Variants in IL18R1 observed in about 807,000 individuals in gnomAD.
The protein encoded by IL18R1 is interleukin-18 receptor 1.
Under a neutral mutation model 48.5 loss-of-function variants are expected in IL18R1, and 40 were observed. The ratio of observed to expected loss-of-function variants is 0.82; its 90% CI spans 0.64 to 1.07. The LOEUF (loss-of-function observed/expected upper bound fraction) is 1.07. Ranked by LOEUF, IL18R1 falls within the 50% of genes least tolerant of loss-of-function variation. The pLI, the probability that IL18R1 is intolerant of heterozygous loss-of-function variation, is 0.00. For synonymous variants in IL18R1, 232 were observed against 225.9 expected (o/e 1.03, Z -0.24); for missense variants, 596 against 633.7 (o/e 0.94, Z 0.64).
At chr2:102,385,083 G>A in intron 7 of IL18R1, 85 bp downstream of exon 7, 2 of 660,200 alleles carry the variant, frequency 3.0e-6, no homozygotes, top group Admixed American at 3.6e-5. Context: ...AAAACACTGG[G>A]TGGCTGATGT....
At chr2:102,362,603 T>A in intron 1 of IL18R1, 30 bp from the exon 2 acceptor site, 1 of 1,470,266 alleles carries the variant, frequency 6.8e-7, no homozygotes, top group Non-Finnish European at 9.3e-7. Flanking sequence ...TTGAAAGCTT[T>A]GGCTGAATCT....
chr2:102,367,688 A>T, intron 2 of IL18R1, 137 bp from the exon 3 acceptor site: 1 of 704,470 alleles, frequency 1.4e-6, no homozygotes, highest in East Asian at 2.7e-5. Context: ...AAGAACCCAC[A>T]GGAAATTGAC....
At position 102,356,348 on chromosome 2, in the gene IL18R1, C is replaced by T. The variant is rs1189965328; in HGVS notation, c.-81C>T. ...CTTGGCCTCCGCAGTCGCGACCTGG[C>T]GTGAAGGAGGAGCTGCCGCCCCCGC... On this transcript the variant is annotated 5_prime_UTR_variant, in exon 1 of 11. Transcript: ENST00000233957. 6.1e-6 allele frequency: 6 copies of T among 985,214 alleles called. No homozygotes were observed. The highest frequency in any genetic ancestry group is 7.2e-6 in the Non-Finnish European group (6 of 829,860). 61.0% of individuals were successfully genotyped at this position (985,214 alleles called of 1,614,324 possible).
intron 10 of IL18R1, among the ~76,000 whole-genome samples, chr2:102,394,855 A>T (rs1268153486): frequency 6.6e-6 from 1 of 152,134 alleles, no homozygotes; most frequent in Non-Finnish European, 1.5e-5. Context: ...GTTCTCTGAA[A>T]CTTTGGGGAA....
intron 4 of IL18R1, 64 bp downstream of exon 4, chr2:102,372,182 G>T (rs1258668960): frequency 3.0e-6 from 4 of 1,323,856 alleles, no homozygotes; most frequent in Non-Finnish European, 4.2e-6. Context: ...CCAAATGAGG[G>T]GCTGAGAGCT....
At chr2:102,385,454 T>C (rs1371670804) in intron 7 of IL18R1, among the ~76,000 whole-genome samples, 1 of 152,230 alleles carries the variant, frequency 6.6e-6, no homozygotes, top group Non-Finnish European at 1.5e-5. Flanking sequence ...TAAGGAATGG[T>C]CAAACTTATA....
In IL18R1 at chr2:102,390,150, T is replaced by C; in HGVS notation, c.1044T>C (p.Cys348=). ...LVAVVCLVTV[C]VIYRVDLVLF... is the part of the protein sequence containing the mutation. ...CAGTAGTGTGCCTAGTGACTGTGTG[T>C]GTCATTTATAGAGTTGACTTGGTTC... The change falls in exon 9 of 11, where the codon TGT becomes TGC. Residue 348 remains cysteine, a synonymous_variant. Transcript: ENST00000233957. 6.2e-7 allele frequency: 1 copy of C among 1,614,130 alleles called. No individual in the cohort carries two copies.
chr2:102,372,053 T>C lies in IL18R1; in HGVS notation c.403T>C (p.Phe135Leu). 3 of 1,609,364 alleles carry C rather than the reference T, an allele frequency of 1.9e-6. No homozygotes were observed. Among genetic ancestry groups the C allele is most frequent in the Non-Finnish European group, 2.5e-6 (3 of 1,178,134 alleles). ...TAGTAAAATTGTGGAAGTTAAAAAA[T>C]TTTTTCAGATAACCTGTGAAAACAG... ...VTSKIVEVKK[F>L]FQITCENSYY... The change falls in exon 4 of 11, where the codon TTT (phenylalanine) becomes CTT (leucine). Residue 135 changes from phenylalanine to leucine, a missense_variant. Transcript: ENST00000233957.
chr2:102,383,471 T>TATGC (rs1232178909), intron 6 of IL18R1, among the ~76,000 whole-genome samples: 3 of 152,248 alleles, frequency 2.0e-5, no homozygotes, highest in African/African-American at 7.2e-5. Context: ...AGCTATCTTA[T>TATGC]ATGCATACAC....
chr2:102,377,475 C>T (rs1427833372), intron 5 of IL18R1, among the ~76,000 whole-genome samples: 7 of 152,088 alleles, frequency 4.6e-5, no homozygotes, highest in East Asian at 3.9e-4. Flanking sequence ...CCACCACTCC[C>T]GGCTAATTTT....
At chr2:102,390,592 G>A (rs145504585) in intron 9 of IL18R1, among the ~76,000 whole-genome samples, 5 of 152,120 alleles carry the variant, frequency 3.3e-5, no homozygotes, top group Admixed American at 1.3e-4. Context: ...TTGTCCTATC[G>A]CTCATTATTT....
At chr2:102,359,639 A>G (rs1678459645) in intron 1 of IL18R1, among the ~76,000 whole-genome samples, 1 of 152,248 alleles carries the variant, frequency 6.6e-6, no homozygotes, top group Non-Finnish European at 1.5e-5. Flanking sequence ...CTGTCTAATT[A>G]CATTTTAAAA....
In IL18R1 at chr2:102,356,498, A is replaced by AAG. The variant is rs139602551; in HGVS notation, c.-29+112_-29+113dup. On this transcript the variant is annotated intron_variant, in intron 1 of 10. Coordinates refer to ENST00000233957, the MANE Select transcript of IL18R1 (RefSeq NM_003855.5). ...AGGGATTCTCAAAACAAGATCAATT[A>AAG]AGAGAGAGAGAGAGATAGTGTGTGT... 472 of 161,538 alleles carry AAG rather than the reference A, an allele frequency of 2.9e-3. 3 individuals carry two copies. The East Asian group carries it at 0.032, about 11-fold the overall frequency. The allele number at this position is 161,538 out of a possible 1,614,324, so 10.0% of individuals were successfully genotyped here. A position where few individuals can be genotyped will look rare whatever the true frequency, so the allele number is the denominator to read the frequency against.
chr2:102,364,779 T>C (rs1189840946), intron 2 of IL18R1, among the ~76,000 whole-genome samples: 1 of 152,140 alleles, frequency 6.6e-6, no homozygotes, highest in Admixed American at 6.6e-5. Context: ...TGGGGAGGCC[T>C]CAGGAAGCTT....
intron 5 of IL18R1, 118 bp from the exon 6 acceptor site, chr2:102,381,502 G>C (rs577382641): frequency 5.4e-5 from 40 of 739,912 alleles, no homozygotes; most frequent in Non-Finnish European, 8.9e-5. Context: ...TCAAGTGAAC[G>C]TAAACCAGTA....
rs1680719840 is a variant in IL18R1, at chr2:102,394,546, G to T, written c.1189G>T (p.Val397Leu). ...AAATGGAGAGGAGCACACCTTTGCT[G>T]TGGAGATTTTGCCCAGGGTGTTGGA... ...PENGEEHTFA[V>L]EILPRVLEKH... is the part of the protein sequence containing the mutation. The change falls in exon 10 of 11, where the codon GTG becomes TTG. Residue 397 changes from valine (V) to leucine (L), a missense_variant. Val to Leu is a conservative substitution (Grantham distance 32). Coordinates refer to ENST00000233957, the MANE Select transcript of IL18R1 (RefSeq NM_003855.5). 6.2e-7 allele frequency: 1 copy of T among 1,613,506 alleles called. No homozygotes were observed.
chr2:102,356,386 G>A lies in IL18R1; in HGVS notation c.-43G>A. 1 of 984,778 alleles carries A rather than the reference G, an allele frequency of 1.0e-6. No individual in the cohort carries two copies. Among genetic ancestry groups the A allele is most frequent in the Non-Finnish European group, 1.2e-6 (1 of 829,494 alleles). 61.0% of individuals were successfully genotyped at this position (984,778 alleles called of 1,614,324 possible). A position where few individuals can be genotyped will look rare whatever the true frequency, so the allele number is the denominator to read the frequency against. ...CTGCCGCCCCCGCCCCAGCCTCGGG[G>A]ACGCCTCTCTGAAGGTAAGGGTGGG... On this transcript the variant is annotated 5_prime_UTR_variant, in exon 1 of 11. Transcript: ENST00000233957.
intron 4 of IL18R1, among the ~76,000 whole-genome samples, chr2:102,373,138 T>C (rs560278724): frequency 6.6e-6 from 1 of 152,338 alleles, no homozygotes; most frequent in African/African-American, 2.4e-5. Context: ...TAAATTAAAC[T>C]TTTGTATATA....
intron 1 of IL18R1, among the ~76,000 whole-genome samples, chr2:102,360,311 T>C (rs868641198): frequency 1.3e-5 from 2 of 152,234 alleles, no homozygotes; most frequent in Non-Finnish European, 2.9e-5. Context: ...TCACCTAGGC[T>C]GGAGTGCAGT....
Sources: allele counts gnomAD v4.1 joint callset (sites outside exome capture counted in the v4.1 genomes callset), GRCh38; gene constraint gnomAD v4.1.1; transcripts MANE v1.5; gene names NCBI Gene and HGNC (gene_info 2026-07-23, HGNC 2026-07-21).